The following RALGAPA2 variants were observed in gnomAD, a reference collection of about 807,000 sequenced individuals.
RALGAPA2 encodes ral GTPase-activating protein subunit alpha-2.
RALGAPA2 carries 139 observed loss-of-function variants against 230.4 expected under a neutral mutation model. The observed-to-expected ratio is 0.60, with a 90% CI of 0.53 to 0.69. The LOEUF (loss-of-function observed/expected upper bound fraction) is 0.69. Among genes scored for constraint, RALGAPA2 ranks in the 30% least tolerant of loss-of-function variants. The pLI, the probability that RALGAPA2 is intolerant of heterozygous loss-of-function variation, is 0.00. For missense variants in RALGAPA2, 2,163 were observed against 2,276.0 expected (o/e 0.95, Z 1.01); for synonymous variants, 847 against 837.8 (o/e 1.01, Z -0.19).
intron 18 of RALGAPA2, among the ~76,000 whole-genome samples, chr20:20,588,730 G>A (rs2065202450): frequency 1.3e-5 from 2 of 152,150 alleles, no homozygotes; most frequent in Non-Finnish European, 2.9e-5. Flanking sequence ...TTTCTGTGAT[G>A]TTTGAGTTTT....
intron 3 of RALGAPA2, among the ~76,000 whole-genome samples, chr20:20,672,250 T>C (rs2146760827): frequency 6.6e-6 from 1 of 152,308 alleles, no homozygotes; most frequent in Admixed American, 6.5e-5. Context: ...ATGTGAAATC[T>C]GTGGTCATTC....
chr20:20,442,516 T>C (rs887294844), intron 37 of RALGAPA2, among the ~76,000 whole-genome samples: 4 of 152,266 alleles, frequency 2.6e-5, no homozygotes, highest in Non-Finnish European at 1.5e-5. Flanking sequence ...CTGTGTTATA[T>C]TGCTAATGAA....
intron 16 of RALGAPA2, among the ~76,000 whole-genome samples, chr20:20,597,007 G>T (rs1212636770): frequency 1.3e-5 from 2 of 152,108 alleles, no homozygotes; most frequent in Non-Finnish European, 2.9e-5. Context: ...AACTGTATAC[G>T]TATATACAGG....
At chr20:20,620,901 G>C (rs2066299565) in intron 10 of RALGAPA2, among the ~76,000 whole-genome samples, 1 of 152,150 alleles carries the variant, frequency 6.6e-6, no homozygotes, top group South Asian at 2.1e-4. Context: ...CTAACACTTT[G>C]GGAGGCCAAG....
In RALGAPA2 at chr20:20,605,489, A is replaced by G. The variant is rs922692495; in HGVS notation, c.1801-77T>C. 1.3e-5 allele frequency: 14 copies of G among 1,048,850 alleles called. No individual in the cohort carries two copies. The Middle Eastern group carries it at 8.3e-4, about 62-fold the overall frequency. The allele number at this position is 1,048,850 out of a possible 1,614,324, so 65.0% of individuals were successfully genotyped here. Reference sequence around the variant, plus strand: ...CATACTTTTAAACAAAATGTTTTAAATTACTATTAATAACACAAATTTTAA... The same window carrying G: ...CATACTTTTAAACAAAATGTTTTAAGTTACTATTAATAACACAAATTTTAA... On this transcript the variant is annotated intron_variant, in intron 14 of 39. Transcript: ENST00000202677.
At chr20:20,584,797 A>G (rs1224608899) in intron 19 of RALGAPA2, 68 bp downstream of exon 19, 1 of 1,213,452 alleles carries the variant, frequency 8.2e-7, no homozygotes, top group Non-Finnish European at 1.2e-6. Context: ...TAATAATAAT[A>G]AAATGTAAAA....
rs758857845 is a variant in RALGAPA2 at position 20,521,058 on chromosome 20, G to T, written c.3943C>A (p.Gln1315Lys). 1.5e-5 allele frequency: 24 copies of T among 1,613,702 alleles called. No homozygotes were observed. The change falls in exon 31 of 40, where the codon CAG becomes AAG. Residue 1315 changes from glutamine (Q) to lysine (K), a missense_variant. Gln to Lys is a moderately conservative substitution (Grantham distance 53). Coordinates refer to ENST00000202677, the MANE Select transcript of RALGAPA2 (RefSeq NM_020343.4). The stretch of plus-strand genomic sequence containing the variant: ...GCCAGGGTCAGTATGTAGTGACTCT[G>T]TTGGGTGTACGTGCTTGAGCCACAC... Reference protein sequence around the residue: ...CVCGSSTYTQQSHYILTLADL... With the variant: ...CVCGSSTYTQKSHYILTLADL...
intron 37 of RALGAPA2, among the ~76,000 whole-genome samples, chr20:20,433,993 C>G (rs1401379867): frequency 6.6e-6 from 1 of 152,120 alleles, no homozygotes; most frequent in Non-Finnish European, 1.5e-5. Context: ...TCAGACATGG[C>G]ATGCAGTTGT....
chr20:20,672,510 A>G (rs2068171626), intron 3 of RALGAPA2, among the ~76,000 whole-genome samples: 1 of 152,242 alleles, frequency 6.6e-6, no homozygotes, highest in Non-Finnish European at 1.5e-5. Context: ...TGTTAAAAAC[A>G]TGAAAAAAAT....
chr20:20,657,180 A>C (rs1292150140), intron 3 of RALGAPA2, among the ~76,000 whole-genome samples: 1 of 152,216 alleles, frequency 6.6e-6, no homozygotes, highest in African/African-American at 2.4e-5. Context: ...GACGGCAGCA[A>C]GATTAGACAG....
intron 36 of RALGAPA2, among the ~76,000 whole-genome samples, chr20:20,480,793 C>A (rs921319460): frequency 1.3e-5 from 2 of 152,144 alleles, no homozygotes; most frequent in African/African-American, 4.8e-5. Flanking sequence ...CTAATCAGAA[C>A]CTTATAGCAG....
At chr20:20,674,251 T>G (rs1229074907) in intron 3 of RALGAPA2, among the ~76,000 whole-genome samples, 1 of 151,394 alleles carries the variant, frequency 6.6e-6, no homozygotes, top group African/African-American at 2.4e-5. Context: ...AATCTAGAAC[T>G]GTAATTCACC....
chr20:20,616,316 A>G (rs1336848209), intron 12 of RALGAPA2, 125 bp from the exon 13 acceptor site: 11 of 894,104 alleles, frequency 1.2e-5, no homozygotes, highest in Non-Finnish European at 1.6e-6. Context: ...AAAAGATTCT[A>G]TTTCAATAAG....
intron 4 of RALGAPA2, among the ~76,000 whole-genome samples, chr20:20,645,643 T>C (rs986597139): frequency 6.6e-6 from 1 of 152,204 alleles, no homozygotes; most frequent in Admixed American, 6.5e-5. Flanking sequence ...TCTGTTGTAG[T>C]GAAAAACTCG....
In RALGAPA2 at chr20:20,584,946, G is replaced by T; in HGVS notation, c.2449C>A (p.Arg817=). 1 of 1,607,662 alleles carries T rather than the reference G, an allele frequency of 6.2e-7. No homozygotes were observed. ...AATTCAGCAGGGCTGCTGCTTCTTCGAACTAAGATCTTCAGACAAAAAGAA... is the reference window on the plus strand; with the variant it reads ...AATTCAGCAGGGCTGCTGCTTCTTCTAACTAAGATCTTCAGACAAAAAGAA... ...REHEGITILV[R]RSSSPAELDL... Residue 817 remains arginine (R), a synonymous_variant, in exon 19 of 40, where the codon CGA becomes AGA. Transcript: ENST00000202677.
At chr20:20,661,535 A>T (rs2067777683) in intron 3 of RALGAPA2, among the ~76,000 whole-genome samples, 1 of 152,220 alleles carries the variant, frequency 6.6e-6, no homozygotes, top group Non-Finnish European at 1.5e-5. Context: ...AGTTATTGGA[A>T]TGAAAATAGA....
chr20:20,549,046 C>T (rs529180310), intron 23 of RALGAPA2, among the ~76,000 whole-genome samples: 10 of 152,216 alleles, frequency 6.6e-5, no homozygotes, highest in Non-Finnish European at 1.3e-4. Context: ...GGAACTAAAC[C>T]TTGAAGCTTG....
chr20:20,581,616 G>A (rs2064986413), intron 20 of RALGAPA2, among the ~76,000 whole-genome samples: 1 of 152,232 alleles, frequency 6.6e-6, no homozygotes, highest in South Asian at 2.1e-4. Context: ...CAGAATCAAA[G>A]AGAATGCCTC....
chr20:20,603,458 T>C (rs569564810), intron 15 of RALGAPA2, among the ~76,000 whole-genome samples: 73 of 152,318 alleles, frequency 4.8e-4, no homozygotes, highest in African/African-American at 1.7e-3. Flanking sequence ...TCTCCTGTAA[T>C]GACATTAGGC....
Sources: allele counts gnomAD v4.1 joint callset (sites outside exome capture counted in the v4.1 genomes callset), GRCh38; gene constraint gnomAD v4.1.1; transcripts MANE v1.5; gene names NCBI Gene and HGNC (gene_info 2026-07-23, HGNC 2026-07-21).